Variants in EYS observed in about 807,000 individuals in gnomAD.
EYS encodes the protein protein eyes shut homolog.
Under a neutral mutation model 282.1 loss-of-function variants are expected in EYS, and 250 were observed. The ratio of observed to expected loss-of-function variants is 0.89; its 90% CI spans 0.80 to 0.98. EYS has a LOEUF of 0.98. EYS is among the 50% of genes least tolerant of loss of function. The pLI, the probability that EYS is intolerant of heterozygous loss-of-function variation, is 0.00. For missense variants in EYS, 4,016 were observed against 3,709.0 expected (o/e 1.08, Z -2.15); for synonymous variants, 1,355 against 1,282.9 (o/e 1.06, Z -1.20).
intron 31 of EYS, among the ~76,000 whole-genome samples, chr6:64,101,359 C>T (rs1772820040): frequency 6.6e-6 from 1 of 152,020 alleles, no homozygotes; most frequent in Admixed American, 6.6e-5. Flanking sequence ...GACCTAACAG[C>T]AAAAGTTTCC....
At chr6:65,170,650 A>G (rs945832188) in intron 12 of EYS, among the ~76,000 whole-genome samples, 1 of 151,504 alleles carries the variant, frequency 6.6e-6, no homozygotes, top group Non-Finnish European at 1.5e-5. Flanking sequence ...AAAGTAGCTT[A>G]TTTCATCTTA....
intron 11 of EYS, chr6:65,331,503 A>C: frequency 4.2e-6 from 4 of 941,490 alleles, no homozygotes; most frequent in Non-Finnish European, 5.1e-6. Flanking sequence ...TATCTGCAAC[A>C]TTTGTTGGGC....
intron 34 of EYS, among the ~76,000 whole-genome samples, chr6:63,990,905 G>A (rs912645618): frequency 1.5e-4 from 23 of 151,658 alleles, no homozygotes; most frequent in African/African-American, 5.6e-4. Flanking sequence ...TCCCTCAGGA[G>A]GGAGTGGGTG....
chr6:65,268,564 G>A (rs938767890), intron 12 of EYS, among the ~76,000 whole-genome samples: 2 of 152,022 alleles, frequency 1.3e-5, no homozygotes, highest in South Asian at 2.1e-4. Flanking sequence ...CCTGAAGATA[G>A]GGAGAATAAT....
intron 2 of EYS, among the ~76,000 whole-genome samples, chr6:65,540,432 C>T (rs1768121507): frequency 6.6e-6 from 1 of 152,050 alleles, no homozygotes; most frequent in South Asian, 2.1e-4. Context: ...CATTTTAAAG[C>T]CAATTTGTGC....
rs571180359 is a variant in EYS at position 64,058,689 on chromosome 6, T to G, written c.6725+7649A>C. 5.3e-5 allele frequency among the ~76,000 whole-genome samples: 8 copies of G among 152,330 alleles called. No individual in the cohort carries two copies. The South Asian group carries it at 1.2e-3, about 24-fold the overall frequency. ...TATTGCTATTCTGCCCCAATTTTTA[T>G]AAATTTAATTTGCCCCTAAGTCTTC... is the stretch of plus-strand genomic sequence containing the variant. On this transcript the variant is annotated intron_variant, in intron 33 of 42. Coordinates refer to ENST00000503581, the MANE Select transcript of EYS (RefSeq NM_001142800.2).
At chr6:65,479,744 A>G (rs1765537686) in intron 5 of EYS, among the ~76,000 whole-genome samples, 1 of 152,206 alleles carries the variant, frequency 6.6e-6, no homozygotes, top group Non-Finnish European at 1.5e-5. Context: ...ATTCTTTGGG[A>G]TTTTGGAACA....
intron 29 of EYS, among the ~76,000 whole-genome samples, chr6:64,328,666 T>C (rs1770521079): frequency 6.6e-6 from 1 of 152,162 alleles, no homozygotes. Context: ...ATAACCCAGG[T>C]TATCTATGTG....
intron 28 of EYS, among the ~76,000 whole-genome samples, chr6:64,391,358 T>C (rs997636278): frequency 1.3e-5 from 2 of 152,082 alleles, no homozygotes; most frequent in Non-Finnish European, 2.9e-5. Flanking sequence ...GGAAAAAATG[T>C]TAAGGGCAGC....
At chr6:65,419,420 G>A (rs1443895547) in intron 5 of EYS, among the ~76,000 whole-genome samples, 2 of 151,578 alleles carry the variant, frequency 1.3e-5, no homozygotes, top group Non-Finnish European at 2.9e-5. Flanking sequence ...TATAGTGGTT[G>A]AAAACACCAA....
At chr6:63,979,502 A>G (rs1368044165) in intron 35 of EYS, among the ~76,000 whole-genome samples, 1 of 151,938 alleles carries the variant, frequency 6.6e-6, no homozygotes, top group Non-Finnish European at 1.5e-5. Context: ...ATTTGAAATT[A>G]GTGTCTCAAT....
chr6:64,932,697 CT>C (rs566974818), intron 15 of EYS, among the ~76,000 whole-genome samples: 17 of 151,924 alleles, frequency 1.1e-4, no homozygotes, highest in Non-Finnish European at 1.9e-4. Flanking sequence ...TGTAAACTGC[CT>C]GGCTGAGCAT....
At chr6:64,794,679 A>T (rs938263017) in intron 22 of EYS, among the ~76,000 whole-genome samples, 4 of 152,332 alleles carry the variant, frequency 2.6e-5, no homozygotes, top group African/African-American at 9.6e-5. Flanking sequence ...AAATGAATTT[A>T]AAAATGTGGC....
intron 31 of EYS, among the ~76,000 whole-genome samples, chr6:64,104,313 G>A (rs1772930990): frequency 6.6e-6 from 1 of 152,084 alleles, no homozygotes; most frequent in African/African-American, 2.4e-5. Context: ...CTGATGGAGG[G>A]AGAACTACCA....
chr6:65,270,438 T>A (rs549638654), intron 12 of EYS, among the ~76,000 whole-genome samples: 1 of 152,230 alleles, frequency 6.6e-6, no homozygotes, highest in Admixed American at 6.5e-5. Flanking sequence ...TGGTTTTGAG[T>A]GAAGGCCATT....
chr6:64,915,358 A>T (rs1768126873), intron 15 of EYS, among the ~76,000 whole-genome samples: 1 of 152,154 alleles, frequency 6.6e-6, no homozygotes, highest in African/African-American at 2.4e-5. Flanking sequence ...CTGAATCTCC[A>T]CATTATCATG....
At chr6:65,054,820 T>G (rs971540637) in intron 13 of EYS, among the ~76,000 whole-genome samples, 14 of 152,070 alleles carry the variant, frequency 9.2e-5, no homozygotes, top group African/African-American at 3.4e-4. Context: ...GAAGAATCCT[T>G]TTCACTATAA....
chr6:65,372,756 C>G (rs1373521348), intron 8 of EYS, among the ~76,000 whole-genome samples: 1 of 151,926 alleles, frequency 6.6e-6, no homozygotes, highest in Admixed American at 6.6e-5. Flanking sequence ...GTTCGCCATC[C>G]TTATGCCACT....
intron 29 of EYS, among the ~76,000 whole-genome samples, chr6:64,319,012 T>G (rs2150383017): frequency 6.6e-6 from 1 of 152,068 alleles, no homozygotes; most frequent in African/African-American, 2.4e-5. Flanking sequence ...TCTTATTCAT[T>G]GTATCTAATT....
Sources: gnomAD v4.1 joint callset for allele counts (sites outside exome capture counted in the v4.1 genomes callset) on GRCh38, gnomAD v4.1.1 for gene constraint, MANE v1.5 for transcripts, NCBI Gene and HGNC (gene_info 2026-07-23, HGNC 2026-07-21) for gene names.